The following ERVMER34-1 variants were observed in gnomAD, a reference collection of about 807,000 sequenced individuals.
The protein encoded by ERVMER34-1 is endogenous retrovirus group MER34 member 1, envelope, also known as endogenous retroviral envelope protein HEMO.
For missense variants in ERVMER34-1, 471 were observed against 295.1 expected, an observed-to-expected ratio of 1.60 and a Z score of -4.37; for synonymous variants, 199 against 111.7, an observed-to-expected ratio of 1.78 and a Z score of -4.93.
At chr4:52,747,714 C>A (rs937729347) in intron 2 of ERVMER34-1, among the ~76,000 whole-genome samples, 2 of 152,150 alleles carry the variant, frequency 1.3e-5, no homozygotes, top group African/African-American at 4.8e-5. Context: ...AGCAAAACAG[C>A]TGCTTCTAAT....
chr4:52,748,245 T>G (rs1344194666), intron 2 of ERVMER34-1: 1 of 197,514 alleles, frequency 5.1e-6, no homozygotes, highest in Non-Finnish European at 1.0e-5. Flanking sequence ...TAGACTCCTG[T>G]CTGGAGTCAC....
chr4:52,748,647 C>T lies in ERVMER34-1; in HGVS notation c.-424+2283G>A, dbSNP rs556241117. On this transcript the variant is annotated intron_variant, in intron 2 of 2. Coordinates refer to ENST00000443173, the MANE Select transcript of ERVMER34-1 (RefSeq NM_001242690.2). The stretch of plus-strand genomic sequence containing the variant: ...ACCAATGGATTCCCAGTTGTGCTGC[C>T]TTTGCCTAACCTCTACATGCTCTCC... 9.2e-5 allele frequency among the ~76,000 whole-genome samples: 14 copies of T among 152,250 alleles called. 1 individual carries two copies. The South Asian group carries it at 1.7e-3, about 18-fold the overall frequency.
intron 2 of ERVMER34-1, among the ~76,000 whole-genome samples, chr4:52,749,584 C>T (rs1376419065): frequency 6.6e-6 from 1 of 152,136 alleles, no homozygotes; most frequent in East Asian, 1.9e-4. Flanking sequence ...GGGCAGATCA[C>T]CTGACGTCAG....
At chr4:52,748,104 T>TAAAA in intron 2 of ERVMER34-1, 1 of 158,258 alleles carries the variant, frequency 6.3e-6, no homozygotes, top group African/African-American at 2.5e-5. Flanking sequence ...GCAAACCCTG[T>TAAAA]AAAAAAAAAA....
intron 2 of ERVMER34-1, among the ~76,000 whole-genome samples, chr4:52,749,936 A>T (rs1424147820): frequency 6.6e-6 from 1 of 152,154 alleles, no homozygotes; most frequent in Non-Finnish European, 1.5e-5. Context: ...GGACTCTGCC[A>T]TGTCCTTGGC....
rs190577612 is a variant in ERVMER34-1, at chr4:52,745,348, A to G, written c.173T>C (p.Leu58Pro). 1,414 of 704,056 alleles carry G rather than the reference A, an allele frequency of 2.0e-3. 10 individuals are homozygous for G. Among genetic ancestry groups the G allele is most frequent in the Non-Finnish European group, 1.7e-3 (645 of 385,012 alleles). The allele number at this position is 704,056 out of a possible 1,614,324, so 43.6% of individuals were successfully genotyped here. Residue 58 changes from leucine (L) to proline (P), a missense_variant, in exon 3 of 3, where the codon CTA (leucine) becomes CCA (proline). By Grantham distance (98) the Leu-to-Pro change is moderately conservative. Coordinates refer to ENST00000443173, the MANE Select transcript of ERVMER34-1 (RefSeq NM_001242690.2). ...GCTTGCACTGGCAGGAACAAAAACT[A>G]GTTCGGGTTGTTCTGCATTATCTAG... Reference protein sequence around the residue: ...EHLDNAEQPELVFVPASASTW... With the variant: ...EHLDNAEQPEPVFVPASASTW...
intron 2 of ERVMER34-1, among the ~76,000 whole-genome samples, chr4:52,748,767 C>T (rs974377122): frequency 6.6e-6 from 1 of 152,170 alleles, no homozygotes; most frequent in Non-Finnish European, 1.5e-5. Flanking sequence ...ACAAGCCTTT[C>T]CGTGTATATT....
chr4:52,750,498 C>T (rs1485960315), intron 2 of ERVMER34-1, among the ~76,000 whole-genome samples: 1 of 152,158 alleles, frequency 6.6e-6, no homozygotes, highest in Non-Finnish European at 1.5e-5. Context: ...CTCCCTGTCT[C>T]TCCTCCACCC....
In ERVMER34-1 at chr4:52,745,451, G is replaced by A. The variant is rs1186331533; in HGVS notation, c.70C>T (p.Pro24Ser). The change falls in exon 3 of 3, where the codon CCT becomes TCT. Residue 24 changes from proline to serine, a missense_variant. Physicochemically the swap from Pro to Ser is moderately conservative, Grantham distance 74. Coordinates refer to ENST00000443173, the MANE Select transcript of ERVMER34-1 (RefSeq NM_001242690.2). ...LTAFLTILVQ[P>S]QHLLAPVFRT... ...AAAACTGGAGCAAGCAGGTGCTGAG[G>A]TTGTACTAGAATTGTCAAAAAAGCA... 10 of 704,002 alleles carry A rather than the reference G, an allele frequency of 1.4e-5. No homozygotes were observed. Among genetic ancestry groups the A allele is most frequent in the South Asian group, 3.0e-5 (2 of 67,602 alleles). The allele number at this position is 704,002 out of a possible 1,614,324, so 43.6% of individuals were successfully genotyped here.
intron 2 of ERVMER34-1, among the ~76,000 whole-genome samples, chr4:52,746,978 C>T (rs1716170028): frequency 6.6e-6 from 1 of 151,780 alleles, no homozygotes; most frequent in Middle Eastern, 3.5e-3. Flanking sequence ...CCTGTAATCC[C>T]AGCACTTTGG....
In ERVMER34-1 at chr4:52,743,692, G is replaced by T; in HGVS notation, c.*137C>A. 1 of 693,128 alleles carries T rather than the reference G, an allele frequency of 1.4e-6. No individual in the cohort carries two copies. Among genetic ancestry groups the T allele is most frequent in the Non-Finnish European group, 2.3e-6 (1 of 430,322 alleles). 42.9% of individuals were successfully genotyped at this position (693,128 alleles called of 1,614,324 possible). On this transcript the variant is annotated 3_prime_UTR_variant, in exon 3 of 3. Coordinates refer to ENST00000443173, the MANE Select transcript of ERVMER34-1 (RefSeq NM_001242690.2). ...AAGGCTTATTTACAATACCTTGGGA[G>T]GTCCTAGTGCTAAGTGCCCTTATAA...
At position 52,743,776 on chromosome 4, in the gene ERVMER34-1, A is replaced by C. The variant is rs1356743560; in HGVS notation, c.*53T>G. On this transcript the variant is annotated 3_prime_UTR_variant, in exon 3 of 3. Transcript: ENST00000443173. ...ATTCTCGGTAAGACCTGCTTTACTC[A>C]TCAAAGTTTAGCTAAGGCTTTTTGT... 2 of 1,439,062 alleles carry C rather than the reference A, an allele frequency of 1.4e-6. No homozygotes were observed. The highest frequency in any genetic ancestry group is 1.5e-5 in the South Asian group (1 of 66,690). The allele number at this position is 1,439,062 out of a possible 1,614,324, so 89.1% of individuals were successfully genotyped here.
rs1357603086 is a variant in ERVMER34-1 at position 52,744,037 on chromosome 4, A to G, written c.1484T>C (p.Leu495Ser). 3 of 707,746 alleles carry G rather than the reference A, an allele frequency of 4.2e-6. No individual in the cohort carries two copies. Among genetic ancestry groups the G allele is most frequent in the Non-Finnish European group, 7.7e-6 (3 of 388,380 alleles). 43.8% of individuals were successfully genotyped at this position (707,746 alleles called of 1,614,324 possible). ...DWFRSWGYVL[L>S]IVLFCLFIFV... ...GATGAATAAGCAGAAAAGAACAATT[A>G]AAAGCACATAGCCCCATGATCTGAA... The change falls in exon 3 of 3, where the codon TTA (leucine) becomes TCA (serine). Residue 495 changes from leucine (L) to serine (S), a missense_variant. Leu to Ser is a moderately radical substitution (Grantham distance 145, BLOSUM62 -2). Transcript: ENST00000443173.
rs573078217 is a variant in ERVMER34-1, at chr4:52,743,993, G to A, written c.1528C>T (p.Arg510Cys). 286 of 735,370 alleles carry A rather than the reference G, an allele frequency of 3.9e-4. 1 individual carries two copies. Among genetic ancestry groups the A allele is most frequent in the South Asian group, 2.3e-3 (157 of 68,208 alleles). 45.6% of individuals were successfully genotyped at this position (735,370 alleles called of 1,614,324 possible). The stretch of plus-strand genomic sequence containing the variant: ...GATCTGCGAGATTTGCGAAAGACAC[G>A]AACATAGATTAAAACAAAGATGAAT... ...CLFIFVLIYV[R>C]VFRKSRRSLN... The change falls in exon 3 of 3, where the codon CGT (arginine) becomes TGT (cysteine). Residue 510 changes from arginine (R) to cysteine (C), a missense_variant. Physicochemically the swap from Arg to Cys is radical, Grantham distance 180 (BLOSUM62 -3). Coordinates refer to ENST00000443173, the MANE Select transcript of ERVMER34-1 (RefSeq NM_001242690.2).
chr4:52,750,008 T>C (rs985998803), intron 2 of ERVMER34-1, among the ~76,000 whole-genome samples: 3 of 152,076 alleles, frequency 2.0e-5, no homozygotes, highest in Admixed American at 2.0e-4. Flanking sequence ...CTTATTATTA[T>C]TATTAATTGA....
Position 52,744,401 on chromosome 4 carries a change from C to T in ERVMER34-1, c.1120G>A (p.Ala374Thr). The change falls in exon 3 of 3, where the codon GCC becomes ACC. Residue 374 changes from alanine (A) to threonine (T), a missense_variant. By Grantham distance (58) the Ala-to-Thr change is moderately conservative. Transcript: ENST00000443173. ...TAAGTTCCCAAACTTGGAAAAAGGGCCCTTATTGTTGAATTGTCCTTGGGG... is the reference window on the plus strand; with the variant it reads ...TAAGTTCCCAAACTTGGAAAAAGGGTCCTTATTGTTGAATTGTCCTTGGGG... ...CNPKDNSTIR[A>T]LFPSLGTYDL... 1.4e-6 allele frequency: 1 copy of T among 704,068 alleles called. No homozygotes were observed. The highest frequency in any genetic ancestry group is 2.6e-6 in the Non-Finnish European group (1 of 385,012). 43.6% of individuals were successfully genotyped at this position (704,068 alleles called of 1,614,324 possible).
rs1203616474 is a variant in ERVMER34-1 at position 52,744,333 on chromosome 4, T to C, written c.1188A>G (p.Glu396=). ...TCTGCTTAGTGGCACTGAATTCCTG[T>C]TCCATTGCTTTGGAAATGTTTAGAA... is the stretch of plus-strand genomic sequence containing the variant. ...KAILNISKAM[E]QEFSATKQTL... Residue 396 remains glutamate, a synonymous_variant, in exon 3 of 3, where the codon GAA becomes GAG. Transcript: ENST00000443173. The C allele has an allele frequency of 1.4e-6, 1 of 704,178 alleles. No homozygotes were observed. Among genetic ancestry groups the C allele is most frequent in the Admixed American group, 2.0e-5 (1 of 50,020 alleles). The allele number at this position is 704,178 out of a possible 1,614,324, so 43.6% of individuals were successfully genotyped here.
At chr4:52,747,413 T>C (rs1204606258) in intron 2 of ERVMER34-1, among the ~76,000 whole-genome samples, 1 of 152,164 alleles carries the variant, frequency 6.6e-6, no homozygotes, top group Admixed American at 6.5e-5. Flanking sequence ...TAAGCAATTA[T>C]TTGTCTGCCT....
intron 2 of ERVMER34-1, among the ~76,000 whole-genome samples, chr4:52,746,885 A>T (rs893718817): frequency 2.9e-4 from 44 of 152,124 alleles, no homozygotes; most frequent in Non-Finnish European, 1.0e-4. Flanking sequence ...ACATATGTAA[A>T]TACCTTAAAA....
Sources: gnomAD v4.1 joint callset for allele counts (sites outside exome capture counted in the v4.1 genomes callset) on GRCh38, gnomAD v4.1.1 for gene constraint, MANE v1.5 for transcripts, NCBI Gene and HGNC (gene_info 2026-07-23, HGNC 2026-07-21) for gene names.